Variants in YTHDF3 observed in about 807,000 individuals in gnomAD.
The protein encoded by YTHDF3 is YTH domain-containing family protein 3.
In YTHDF3, 9 loss-of-function variants were observed where a neutral mutation model predicts 52.5. The observed-to-expected ratio is 0.17, with a 90% confidence interval of 0.10 to 0.30. The LOEUF is 0.30. Ranked by LOEUF, YTHDF3 falls within the 10% of genes least tolerant of loss-of-function variation. The probability of loss-of-function intolerance (pLI) is 1.00; values close to 1 mark genes in which losing one functional copy is unlikely to be tolerated. For missense variants in YTHDF3, 534 were observed against 715.0 expected (o/e 0.75, Z 2.89); for synonymous variants, 274 against 243.3 (o/e 1.13, Z -1.18).
chr8:63,190,240 A>T (rs1029408642), intron 4 of YTHDF3, among the ~76,000 whole-genome samples: 1 of 151,912 alleles, frequency 6.6e-6, no homozygotes, highest in Non-Finnish European at 1.5e-5. Context: ...CAAAGGATAC[A>T]TGGCAAGGAA....
rs1554533374 is a variant in YTHDF3, at chr8:63,173,202, T to TTTTATATATATATATATA, written c.50-2128_50-2127insTTATATATATATATATAT. 3.8e-3 allele frequency among the ~76,000 whole-genome samples: 481 copies of TTTTATATATATATATATA among 125,906 alleles called. 13 individuals carry two copies. Among genetic ancestry groups the TTTTATATATATATATATA allele is most frequent in the African/African-American group, 0.018 (457 of 24,794 alleles). The allele number at this position is 125,906 out of a possible 152,430, so 82.6% of individuals were successfully genotyped here. A position where few individuals can be genotyped will look rare whatever the true frequency, so the allele number is the denominator to read the frequency against. On this transcript the variant is annotated intron_variant, in intron 2 of 4. Coordinates refer to ENST00000539294, the MANE Select transcript of YTHDF3 (RefSeq NM_152758.6). The stretch of plus-strand genomic sequence containing the variant: ...AAAAATAAGAATAACAGGATTATAT[T>TTTTATATATATATATATA]TATATATATATACAGATAAATTTTA...
intron 4 of YTHDF3, among the ~76,000 whole-genome samples, chr8:63,194,675 A>G (rs975171947): frequency 1.3e-5 from 2 of 152,168 alleles, no homozygotes; most frequent in Admixed American, 6.5e-5. Flanking sequence ...AGGAAAGAAT[A>G]AGGGTATTAT....
At chr8:63,170,068 A>C (rs1807195991) in intron 2 of YTHDF3, among the ~76,000 whole-genome samples, 1 of 152,178 alleles carries the variant, frequency 6.6e-6, no homozygotes, top group Admixed American at 6.5e-5. Flanking sequence ...TTTTTTTAAA[A>C]AGTGTGTTTT....
intron 2 of YTHDF3, 50 bp from the exon 3 acceptor site, chr8:63,175,281 C>G: frequency 7.4e-7 from 1 of 1,354,338 alleles, no homozygotes; most frequent in South Asian, 1.3e-5. Context: ...GGTTGTGCTG[C>G]GAGTTTCATA....
At chr8:63,195,731 C>CGT (rs61277098) in intron 4 of YTHDF3, among the ~76,000 whole-genome samples, 28,434 of 145,028 alleles carry the variant, frequency 0.2, 3,249 homozygotes, top group African/African-American at 0.34. Context: ...CATGTATTTA[C>CGT]GTGTGTGTGT....
In YTHDF3 at chr8:63,190,691, A is replaced by G. The variant is rs146908819; in HGVS notation, c.1734+2946A>G. On this transcript the variant is annotated intron_variant, in intron 4 of 4. Coordinates refer to ENST00000539294, the MANE Select transcript of YTHDF3 (RefSeq NM_152758.6). The stretch of plus-strand genomic sequence containing the variant: ...TAAGGCAAATACCAACCTGTAATCA[A>G]TCCAGCTGTTTATCTCACTTCCGTT... Among the ~76,000 whole-genome samples, 318 of 152,190 alleles carry G rather than the reference A, an allele frequency of 2.1e-3. 1 individual carries two copies. Among genetic ancestry groups the G allele is most frequent in the Non-Finnish European group, 3.0e-3 (201 of 68,008 alleles).
intron 2 of YTHDF3, among the ~76,000 whole-genome samples, chr8:63,170,598 T>C (rs781374685): frequency 5.9e-5 from 9 of 152,206 alleles, no homozygotes; most frequent in African/African-American, 9.6e-5. Context: ...TGATTTATTT[T>C]AAATGAGTTT....
rs553981914 is a variant in YTHDF3, at chr8:63,198,546, C to G, written c.1734+10801C>G. Among the ~76,000 whole-genome samples the G allele has an allele frequency of 3.1e-4, 47 of 152,302 alleles. No homozygotes were observed. In the South Asian group the frequency reaches 9.5e-3, roughly 31 times the overall value. On this transcript the variant is annotated intron_variant, in intron 4 of 4. Coordinates refer to ENST00000539294, the MANE Select transcript of YTHDF3 (RefSeq NM_152758.6). ...CCTTCCAAAGTGCTGGGATTACAGA[C>G]TTGAGCCACCGTGCCTGGCCAAGTT...
rs989034520 is a variant in YTHDF3, at chr8:63,210,312, A to C, written c.*606A>C. ...TATTAGAACATTTCCCTTGTCTTCA[A>C]ACTGTTTGGTGTAACAGAATATTGA... is the stretch of plus-strand genomic sequence containing the variant. On this transcript the variant is annotated 3_prime_UTR_variant, in exon 5 of 5. Coordinates refer to ENST00000539294, the MANE Select transcript of YTHDF3 (RefSeq NM_152758.6). The C allele has an allele frequency of 1.3e-5, 2 of 152,690 alleles. No homozygotes were observed. The highest frequency in any genetic ancestry group is 2.9e-5 in the Non-Finnish European group (2 of 68,072). 9.5% of individuals were successfully genotyped at this position (152,690 alleles called of 1,614,324 possible).
rs1191524906 is a variant in YTHDF3 at position 63,209,016 on chromosome 8, C to T, written c.1735-667C>T. Among the ~76,000 whole-genome samples, 47 of 152,016 alleles carry T rather than the reference C, an allele frequency of 3.1e-4. 1 individual carries two copies. Among genetic ancestry groups the T allele is most frequent in the Admixed American group, 2.9e-3 (44 of 15,262 alleles). Reference sequence around the variant, plus strand: ...CCCAGTAGCTGGGATTACAGGCACCCGCCACCACGCCCAGCTAATTTTTGT... The same window carrying T: ...CCCAGTAGCTGGGATTACAGGCACCTGCCACCACGCCCAGCTAATTTTTGT... On this transcript the variant is annotated intron_variant, in intron 4 of 4. Transcript: ENST00000539294.
intron 3 of YTHDF3, among the ~76,000 whole-genome samples, chr8:63,185,498 A>G (rs183219881): frequency 2.6e-5 from 4 of 152,352 alleles, no homozygotes; most frequent in East Asian, 1.9e-4. Flanking sequence ...TATTCCACCA[A>G]TAAGAAACTA....
At chr8:63,187,826 C>G (rs1230023971) in intron 4 of YTHDF3, 81 bp downstream of exon 4, 1 of 1,439,912 alleles carries the variant, frequency 6.9e-7, no homozygotes, top group Non-Finnish European at 9.2e-7. Flanking sequence ...AGTTTAAGAA[C>G]TTTCTGTGAA....
chr8:63,187,322 C>T lies in YTHDF3; in HGVS notation c.1311C>T (p.Ile437=). 6.2e-7 allele frequency: 1 copy of T among 1,614,044 alleles called. No individual in the cohort carries two copies. Among genetic ancestry groups the T allele is most frequent in the East Asian group, 2.2e-5 (1 of 44,890 alleles). The change falls in exon 4 of 5, where the codon ATC becomes ATT. Residue 437 remains isoleucine, a synonymous_variant. Transcript: ENST00000539294. ...TACATCGTTCCATTAAATACTCTAT[C>T]TGGTGTAGTACTGAGCATGGTAATA... ...DDIHRSIKYS[I]WCSTEHGNKR...
At chr8:63,169,231 G>T in intron 1 of YTHDF3, 156 bp from the exon 2 acceptor site, 1 of 1,308,502 alleles carries the variant, frequency 7.6e-7, no homozygotes, top group Non-Finnish European at 1.0e-6. Flanking sequence ...AAGGCTGGGG[G>T]TGGTTGGGAA....
At chr8:63,190,355 A>G (rs1327690578) in intron 4 of YTHDF3, among the ~76,000 whole-genome samples, 2 of 150,578 alleles carry the variant, frequency 1.3e-5, no homozygotes, top group Non-Finnish European at 3.0e-5. Context: ...GTTATAATGT[A>G]TTTGGTATGT....
At chr8:63,188,467 C>T (rs977247651) in intron 4 of YTHDF3, among the ~76,000 whole-genome samples, 20 of 150,406 alleles carry the variant, frequency 1.3e-4, no homozygotes, top group Admixed American at 4.0e-4. Flanking sequence ...GCTGGGACTA[C>T]GGTCACACAC....
chr8:63,191,115 C>G (rs1388141330), intron 4 of YTHDF3, among the ~76,000 whole-genome samples: 2 of 152,048 alleles, frequency 1.3e-5, no homozygotes, highest in Admixed American at 1.3e-4. Context: ...AATTCTGAGG[C>G]CAGCCTACAT....
At chr8:63,169,338 T>C in intron 1 of YTHDF3, 49 bp from the exon 2 acceptor site, 1 of 1,573,162 alleles carries the variant, frequency 6.4e-7, no homozygotes, top group Non-Finnish European at 8.6e-7. Context: ...ACACTTTTTC[T>C]TTTCTTCCTT....
At chr8:63,186,080 T>C in intron 3 of YTHDF3, 67 bp from the exon 4 acceptor site, 1 of 1,438,816 alleles carries the variant, frequency 7.0e-7, no homozygotes, top group African/African-American at 1.4e-5. Flanking sequence ...ATTTTAATCT[T>C]TCAGATTTCT....
Sources: allele counts gnomAD v4.1 joint callset (sites outside exome capture counted in the v4.1 genomes callset), GRCh38; gene constraint gnomAD v4.1.1; transcripts MANE v1.5; gene names NCBI Gene and HGNC (gene_info 2026-07-23, HGNC 2026-07-21).